The following MAP3K2 variants were observed in gnomAD, a reference collection of about 807,000 sequenced individuals.
MAP3K2 encodes the protein mitogen-activated protein kinase kinase kinase 2, also known as MAP/ERK kinase kinase 2.
A neutral mutation model predicts 80.3 loss-of-function variants in MAP3K2; 24 were observed. That is an observed-to-expected ratio of 0.30 (90% CI 0.22 to 0.42). The LOEUF (loss-of-function observed/expected upper bound fraction) is 0.42, where lower values mean the gene tolerates loss of function less well. MAP3K2 is among the 10% of genes least tolerant of loss of function. The pLI is 1.00. For missense variants in MAP3K2, 608 were observed against 750.1 expected, an observed-to-expected ratio of 0.81 and a Z score of 2.21; for synonymous variants, 244 against 253.7, an observed-to-expected ratio of 0.96 and a Z score of 0.36.
At chr2:127,375,777 C>T (rs1687141748) in intron 1 of MAP3K2, among the ~76,000 whole-genome samples, 1 of 152,152 alleles carries the variant, frequency 6.6e-6, no homozygotes, top group Admixed American at 6.5e-5. Flanking sequence ...TAGACAAATA[C>T]CCGACCTTCC....
intron 1 of MAP3K2, among the ~76,000 whole-genome samples, chr2:127,352,983 A>G (rs1001159889): frequency 6.6e-6 from 1 of 152,036 alleles, no homozygotes; most frequent in African/African-American, 2.4e-5. Flanking sequence ...TTGCAGATGG[A>G]GTCTCGTTCA....
Position 127,303,340 on chromosome 2 carries a change from A to AG in MAP3K2, c.*4238dup. The AG allele has an allele frequency of 6.6e-6, 1 of 150,772 alleles. No homozygotes were observed. Among genetic ancestry groups the AG allele is most frequent in the East Asian group, 1.9e-4 (1 of 5,148 alleles). The allele number at this position is 150,772 out of a possible 1,614,324, so 9.3% of individuals were successfully genotyped here. On this transcript the variant is annotated 3_prime_UTR_variant, in exon 17 of 17. Coordinates refer to ENST00000682094, the MANE Select transcript of MAP3K2 (RefSeq NM_001371910.2). The stretch of plus-strand genomic sequence containing the variant: ...GAGACACTGGGGAAAAAAAAAAAAA[A>AG]GAACAAAAAAACACTGTTATGGAAT...
intron 1 of MAP3K2, among the ~76,000 whole-genome samples, chr2:127,362,944 T>C (rs1307424082): frequency 6.6e-6 from 1 of 152,186 alleles, no homozygotes; most frequent in East Asian, 1.9e-4. Flanking sequence ...CATGTGTGGA[T>C]TCAACCAACT....
At chr2:127,352,235 C>T (rs1369512164) in intron 1 of MAP3K2, among the ~76,000 whole-genome samples, 1 of 152,120 alleles carries the variant, frequency 6.6e-6, no homozygotes, top group Admixed American at 6.6e-5. Flanking sequence ...CAGAACACTG[C>T]TACTTCCGCC....
chr2:127,325,658 A>C, intron 9 of MAP3K2, 70 bp downstream of exon 9: 1 of 1,268,884 alleles, frequency 7.9e-7, no homozygotes, highest in Non-Finnish European at 1.1e-6. Flanking sequence ...ACTGCGCTCC[A>C]GCCTGGGTGA....
Position 127,310,559 on chromosome 2 carries a change from A to C in MAP3K2, c.1457-1797T>G, listed in dbSNP as rs895765993. On this transcript the variant is annotated intron_variant, in intron 15 of 16. Transcript: ENST00000682094. This position sits in a 1 kb window ranked among gnomAD's most constrained non-coding sequence, Gnocchi z 4.8. ...CCCAGCTACTTGGGGGCTGAGGCTGAAGGATCGCTTAAGCCCAGAGGGCCA... is the reference window on the plus strand; with the variant it reads ...CCCAGCTACTTGGGGGCTGAGGCTGCAGGATCGCTTAAGCCCAGAGGGCCA... Among the ~76,000 whole-genome samples the C allele has an allele frequency of 2.6e-5, 4 of 152,126 alleles. No homozygotes were observed. Among genetic ancestry groups the C allele is most frequent in the Admixed American group, 2.0e-4 (3 of 15,276 alleles).
intron 1 of MAP3K2, among the ~76,000 whole-genome samples, chr2:127,369,403 C>A (rs1422947793): frequency 3.1e-5 from 4 of 128,136 alleles, no homozygotes; most frequent in African/African-American, 1.1e-4. Flanking sequence ...GAGGCCGAGG[C>A]GGGCGGATCA....
chr2:127,329,329 T>C (rs950945940), intron 7 of MAP3K2, among the ~76,000 whole-genome samples: 5 of 151,928 alleles, frequency 3.3e-5, no homozygotes, highest in African/African-American at 1.2e-4. Context: ...TTACTTCTTT[T>C]AATTTTTTTC....
At chr2:127,326,093 A>G (rs1031188451) in intron 8 of MAP3K2, among the ~76,000 whole-genome samples, 3 of 152,166 alleles carry the variant, frequency 2.0e-5, no homozygotes, top group Admixed American at 1.3e-4. Flanking sequence ...TTCTTTCTCT[A>G]TAGACTATTG....
intron 7 of MAP3K2, among the ~76,000 whole-genome samples, chr2:127,327,384 TAA>T (rs1315623895): frequency 6.6e-6 from 1 of 152,168 alleles, no homozygotes. Context: ...GACATGTGCA[TAA>T]AAGAGAGTAC....
chr2:127,358,342 T>C (rs2104869087), intron 1 of MAP3K2, among the ~76,000 whole-genome samples: 1 of 152,344 alleles, frequency 6.6e-6, no homozygotes, highest in East Asian at 1.9e-4. Flanking sequence ...GAATGTCAAA[T>C]GGTACAACCG....
intron 1 of MAP3K2, among the ~76,000 whole-genome samples, chr2:127,354,682 G>A (rs1686767015): frequency 6.6e-6 from 1 of 152,020 alleles, no homozygotes; most frequent in Non-Finnish European, 1.5e-5. Flanking sequence ...AATGTCCAGT[G>A]CCTAACAAGG....
chr2:127,328,120 T>C (rs1163058425), intron 7 of MAP3K2, among the ~76,000 whole-genome samples: 2 of 151,928 alleles, frequency 1.3e-5, no homozygotes, highest in African/African-American at 2.4e-5. Context: ...ACTAAAAATA[T>C]AAAAATTAGC....
intron 1 of MAP3K2, among the ~76,000 whole-genome samples, chr2:127,372,932 C>T (rs1399951288): frequency 6.6e-6 from 1 of 152,230 alleles, no homozygotes; most frequent in African/African-American, 2.4e-5. Flanking sequence ...TAATTTGCAA[C>T]CTATGGGGCC....
intron 2 of MAP3K2, among the ~76,000 whole-genome samples, chr2:127,341,190 C>T (rs1318595646): frequency 2.6e-5 from 4 of 151,542 alleles, no homozygotes; most frequent in East Asian, 3.9e-4. Flanking sequence ...GGGGTTTCAC[C>T]GAGTTAGCCA....
At chr2:127,365,514 C>T (rs908408859) in intron 1 of MAP3K2, among the ~76,000 whole-genome samples, 11 of 152,182 alleles carry the variant, frequency 7.2e-5, no homozygotes, top group Admixed American at 5.2e-4. Flanking sequence ...TTAGATAGAG[C>T]TGCAGTTGCC....
In MAP3K2 at chr2:127,304,972, A is replaced by G. The variant is rs879887911; in HGVS notation, c.*2607T>C. ...TAAAGAACATTACTTTCCCATAGCT[A>G]ATAATATTTTTCTTATAAAGCAAAG... On this transcript the variant is annotated 3_prime_UTR_variant, in exon 17 of 17. Transcript: ENST00000682094. 2.0e-5 allele frequency: 3 copies of G among 152,514 alleles called. No homozygotes were observed. Among genetic ancestry groups the G allele is most frequent in the South Asian group, 2.1e-4 (1 of 4,834 alleles). The allele number at this position is 152,514 out of a possible 1,614,324, so 9.4% of individuals were successfully genotyped here. A position where few individuals can be genotyped will look rare whatever the true frequency, so the allele number is the denominator to read the frequency against.
At chr2:127,343,997 G>A (rs1212090306) in intron 1 of MAP3K2, among the ~76,000 whole-genome samples, 1 of 151,960 alleles carries the variant, frequency 6.6e-6, no homozygotes, top group African/African-American at 2.4e-5. Context: ...GCGACACAGC[G>A]AGACTGCCTA....
At chr2:127,327,154 C>T (rs1686159552) in intron 7 of MAP3K2, among the ~76,000 whole-genome samples, 1 of 152,138 alleles carries the variant, frequency 6.6e-6, no homozygotes, top group South Asian at 2.1e-4. Context: ...AGACAATAAC[C>T]CACTCTATTT....
Sources: gnomAD v4.1 joint callset for allele counts (sites outside exome capture counted in the v4.1 genomes callset) on GRCh38, gnomAD v4.1.1 for gene constraint, Gnocchi (gnomAD v3.1) non-coding constraint, MANE v1.5 for transcripts, NCBI Gene and HGNC (gene_info 2026-07-23, HGNC 2026-07-21) for gene names.